The following ZBTB21 variants were observed in gnomAD, a reference collection of about 807,000 sequenced individuals.
The protein encoded by ZBTB21 is zinc finger and BTB domain-containing protein 21.
A neutral mutation model predicts 39.8 loss-of-function variants in ZBTB21; 10 were observed. The ratio of observed to expected loss-of-function variants is 0.25; its 90% CI spans 0.16 to 0.43. ZBTB21 has a LOEUF of 0.43. ZBTB21 is among the 20% of genes least tolerant of loss of function. The pLI, the probability that ZBTB21 is intolerant of heterozygous loss-of-function variation, is 1.00. For missense variants in ZBTB21, 1,221 were observed against 1,296.3 expected (o/e 0.94, Z 0.89); for synonymous variants, 551 against 498.8 (o/e 1.10, Z -1.40).
intron 2 of ZBTB21, among the ~76,000 whole-genome samples, chr21:42,000,833 T>A (rs767190222): frequency 6.6e-6 from 1 of 152,318 alleles, no homozygotes; most frequent in Admixed American, 6.5e-5. Flanking sequence ...AACTTTCCTA[T>A]AACCTCCATT....
At position 42,002,053 on chromosome 21, in the gene ZBTB21, G is replaced by A. The variant is rs114387346; in HGVS notation, c.-14+844C>T. On this transcript the variant is annotated intron_variant, in intron 2 of 2. Transcript: ENST00000310826. ...TGAGGCTGGAGGAAGATGGAGGCAT[G>A]AGCGCCCTGGGGGCTAAAATATGTC... Among the ~76,000 whole-genome samples the A allele has an allele frequency of 3.3e-3, 495 of 152,242 alleles. 1 individual carries two copies. Among genetic ancestry groups the A allele is most frequent in the African/African-American group, 0.011 (453 of 41,522 alleles).
At chr21:41,996,211 G>A (rs1310726621) in intron 2 of ZBTB21, among the ~76,000 whole-genome samples, 4 of 152,310 alleles carry the variant, frequency 2.6e-5, no homozygotes, top group African/African-American at 7.2e-5. Flanking sequence ...TAGATACGTC[G>A]ACAGCTGGCA....
chr21:41,994,198 T>C (rs1014208310), intron 2 of ZBTB21, 90 bp from the exon 3 acceptor site: 1 of 1,135,846 alleles, frequency 8.8e-7, no homozygotes, highest in African/African-American at 1.6e-5. Flanking sequence ...TGTCTTTGCA[T>C]AGGTACCAAT....
rs2146292216 is a variant in ZBTB21 at position 41,994,052 on chromosome 21, G to C, written c.44C>G (p.Ser15Cys). Reference sequence around the variant, plus strand: ...CTCCTCATTCAGGGCACTTAGGAGAGAAATGGCGTGTGCAGGGTTGATGTA... The same window carrying C: ...CTCCTCATTCAGGGCACTTAGGAGACAAATGGCGTGTGCAGGGTTGATGTA... ...LHYINPAHAISLLSALNEERL... is the reference protein window; with the variant it reads ...LHYINPAHAICLLSALNEERL... The change falls in exon 3 of 3, where the codon TCT becomes TGT. Residue 15 changes from serine (S) to cysteine (C), a missense_variant. By Grantham distance (112) the Ser-to-Cys change is moderately radical (BLOSUM62 -1). Around this residue, in one of 4 missense-constraint regions of ZBTB21, gnomAD observed 108 missense variants for 155.0 expected, o/e 0.70. Coordinates refer to ENST00000310826, the MANE Select transcript of ZBTB21 (RefSeq NM_001098402.2). The C allele has an allele frequency of 3.1e-6, 5 of 1,613,334 alleles. No individual in the cohort carries two copies. Among genetic ancestry groups the C allele is most frequent in the Non-Finnish European group, 4.2e-6 (5 of 1,179,688 alleles).
intron 2 of ZBTB21, among the ~76,000 whole-genome samples, chr21:41,999,643 T>C (rs746308176): frequency 2.6e-5 from 4 of 152,180 alleles, no homozygotes; most frequent in Non-Finnish European, 4.4e-5. Context: ...CTACAAACTA[T>C]ACCAGAAACT....
Position 41,992,667 on chromosome 21 carries a change from T to G in ZBTB21, c.1429A>C (p.Met477Leu). Residue 477 changes from methionine to leucine, a missense_variant, in exon 3 of 3, where the codon ATG becomes CTG. Physicochemically the swap from Met to Leu is conservative, Grantham distance 15 (BLOSUM62 2). Around this residue, in one of 4 missense-constraint regions of ZBTB21, gnomAD observed 500 missense variants for 465.6 expected, o/e 1.07. Coordinates refer to ENST00000310826, the MANE Select transcript of ZBTB21 (RefSeq NM_001098402.2). The surrounding 1 kb of genome is among the most constrained non-coding windows in gnomAD (Gnocchi z 4.1). ...SLKTEDDQKD[M>L]SRLPAKRRFQ... The stretch of plus-strand genomic sequence containing the variant: ...CTCCTTTTTGCTGGGAGTCTGCTCA[T>G]GTCTTTTTGGTCATCTTCTGTTTTC... The G allele has an allele frequency of 6.2e-7, 1 of 1,614,134 alleles. No individual in the cohort carries two copies. The highest frequency in any genetic ancestry group is 8.5e-7 in the Non-Finnish European group (1 of 1,180,012).
chr21:42,005,678 T>G (rs2065870274), intron 1 of ZBTB21, among the ~76,000 whole-genome samples: 1 of 152,230 alleles, frequency 6.6e-6, no homozygotes, highest in African/African-American at 2.4e-5. Context: ...AGACTGAGCT[T>G]CTTAGAACAA....
intron 2 of ZBTB21, among the ~76,000 whole-genome samples, chr21:41,998,426 C>T (rs539273542): frequency 6.6e-5 from 10 of 152,050 alleles, no homozygotes; most frequent in Admixed American, 1.3e-4. Context: ...CCTGACCTCA[C>T]GTGATCTGCC....
chr21:41,989,493 T>C lies in ZBTB21; in HGVS notation c.*1402A>G, dbSNP rs892271126. ...CTTAAAAGGATTTTGTAGTTTCGTT[T>C]TTTTAATACATCTAACTCCCACCCC... On this transcript the variant is annotated 3_prime_UTR_variant, in exon 3 of 3. Coordinates refer to ENST00000310826, the MANE Select transcript of ZBTB21 (RefSeq NM_001098402.2). 6.6e-6 allele frequency: 1 copy of C among 152,196 alleles called. No homozygotes were observed. The highest frequency in any genetic ancestry group is 6.5e-5 in the Admixed American group (1 of 15,286). The allele number at this position is 152,196 out of a possible 1,614,324, so 9.4% of individuals were successfully genotyped here. A position where few individuals can be genotyped will look rare whatever the true frequency, so the allele number is the denominator to read the frequency against.
rs200745178 is a variant in ZBTB21, at chr21:42,008,627, T to TTAA, written c.-79+1622_-79+1624dup. ...ATCTCATTTCCATCGAGAGACCTTC[T>TTAA]TAACTTAACCCCAATTTTGTTATTT... On this transcript the variant is annotated intron_variant, in intron 1 of 2. Transcript: ENST00000310826. Among the ~76,000 whole-genome samples, 370 of 151,062 alleles carry TTAA rather than the reference T, an allele frequency of 2.4e-3. 3 individuals carry two copies. The highest frequency in any genetic ancestry group is 8.5e-3 in the African/African-American group (354 of 41,434).
At position 41,991,429 on chromosome 21, in the gene ZBTB21, C is replaced by T; in HGVS notation, c.2667G>A (p.Glu889=). The T allele has an allele frequency of 6.2e-7, 1 of 1,611,954 alleles. No homozygotes were observed. The highest frequency in any genetic ancestry group is 8.5e-7 in the Non-Finnish European group (1 of 1,179,284). ...KEEPVEEAEE[E]APEASTAPKE... ...TGGGGGCTGTGCTGGCCTCGGGTGCCTCTTCTTCAGCCTCCTCCACAGGCT... is the reference window on the plus strand; with the variant it reads ...TGGGGGCTGTGCTGGCCTCGGGTGCTTCTTCTTCAGCCTCCTCCACAGGCT... The change falls in exon 3 of 3, where the codon GAG becomes GAA. Residue 889 remains glutamate, a synonymous_variant. Transcript: ENST00000310826. The surrounding 1 kb of genome is among the most constrained non-coding windows in gnomAD (Gnocchi z 4.9).
intron 1 of ZBTB21, among the ~76,000 whole-genome samples, chr21:42,004,765 G>A (rs1340148155): frequency 1.3e-5 from 2 of 152,054 alleles, no homozygotes; most frequent in African/African-American, 2.4e-5. Flanking sequence ...GTAACACAAG[G>A]CAAATACCTA....
In ZBTB21 at chr21:41,992,947, C is replaced by T. The variant is rs2065688269; in HGVS notation, c.1149G>A (p.Lys383=). 1 of 1,614,186 alleles carries T rather than the reference C, an allele frequency of 6.2e-7. No individual in the cohort carries two copies. Among genetic ancestry groups the T allele is most frequent in the Non-Finnish European group, 8.5e-7 (1 of 1,180,040 alleles). The change falls in exon 3 of 3, where the codon AAG becomes AAA. Residue 383 remains lysine (K), a synonymous_variant. Coordinates refer to ENST00000310826, the MANE Select transcript of ZBTB21 (RefSeq NM_001098402.2). This position sits in a 1 kb window ranked among gnomAD's most constrained non-coding sequence, Gnocchi z 4.1. ...TTTCACTACAATCTTTTAAAGATGACTTCTGAGATAAAGCACACAACACAT... is the reference window on the plus strand; with the variant it reads ...TTTCACTACAATCTTTTAAAGATGATTTCTGAGATAAAGCACACAACACAT... The part of the protein sequence containing the change: ...PGNVLCALSQ[K]SSLKDCSEKT...
chr21:42,001,042 A>G (rs1569112221), intron 2 of ZBTB21, among the ~76,000 whole-genome samples: 2 of 152,204 alleles, frequency 1.3e-5, no homozygotes, highest in African/African-American at 4.8e-5. Flanking sequence ...TATTAACTCA[A>G]TATTTACATC....
chr21:41,994,321 G>T (rs933648796), intron 2 of ZBTB21, among the ~76,000 whole-genome samples: 1 of 152,052 alleles, frequency 6.6e-6, no homozygotes, highest in African/African-American at 2.4e-5. Context: ...TAAAATAGAA[G>T]AATTGCAGGA....
Position 41,998,298 on chromosome 21 carries a change from T to C in ZBTB21, c.-13-4190A>G, listed in dbSNP as rs142987409. Among the ~76,000 whole-genome samples, 375 of 151,978 alleles carry C rather than the reference T, an allele frequency of 2.5e-3. 4 individuals are homozygous for C. Among genetic ancestry groups the C allele is most frequent in the African/African-American group, 8.7e-3 (359 of 41,428 alleles). On this transcript the variant is annotated intron_variant, in intron 2 of 2. Transcript: ENST00000310826. The stretch of plus-strand genomic sequence containing the variant: ...CCTCTGCCTCCTGGGTTCAAACGAT[T>C]CTCCTGCCTCAGCCTCCTGAGTAGC...
At chr21:42,009,158 G>GT (rs11405691) in intron 1 of ZBTB21, 96,681 of 151,840 alleles carry the variant, frequency 0.64, 32,306 homozygotes, top group African/African-American at 0.79. Flanking sequence ...GCCGTGTGAA[G>GT]TCTAACTTTC....
chr21:42,009,111 A>G (rs2065922051), intron 1 of ZBTB21: 1 of 151,930 alleles, frequency 6.6e-6, no homozygotes, highest in Non-Finnish European at 1.5e-5. Context: ...GCTCGGTGCC[A>G]GGGCTGTGAG....
rs1014895762 is a variant in ZBTB21, at chr21:41,988,579, C to T, written c.*2316G>A. 1 of 151,940 alleles carries T rather than the reference C, an allele frequency of 6.6e-6. No homozygotes were observed. The highest frequency in any genetic ancestry group is 1.5e-5 in the Non-Finnish European group (1 of 67,972). The allele number at this position is 151,940 out of a possible 1,614,324, so 9.4% of individuals were successfully genotyped here. ...GACCACCAAAATAAACTCTTTCAGCCTAATGCTTTTAAAGTACAGTATAAA... is the reference window on the plus strand; with the variant it reads ...GACCACCAAAATAAACTCTTTCAGCTTAATGCTTTTAAAGTACAGTATAAA... On this transcript the variant is annotated 3_prime_UTR_variant, in exon 3 of 3. Transcript: ENST00000310826.
Sources: allele counts gnomAD v4.1 joint callset (sites outside exome capture counted in the v4.1 genomes callset), GRCh38; gene constraint gnomAD v4.1.1; regional missense constraint gnomAD v4.1.1; non-coding constraint Gnocchi (gnomAD v3.1); transcripts MANE v1.5; gene names NCBI Gene and HGNC (gene_info 2026-07-23, HGNC 2026-07-21).